ADAMTS6: variants seen among roughly 807,000 people sequenced by gnomAD.
The protein encoded by ADAMTS6 is A disintegrin and metalloproteinase with thrombospondin motifs 6.
In ADAMTS6, 23 loss-of-function variants were observed where a neutral mutation model predicts 144.3. The observed-to-expected ratio is 0.16, with a 90% CI of 0.11 to 0.23. The LOEUF (loss-of-function observed/expected upper bound fraction) is 0.23. ADAMTS6 is among the 10% of genes least tolerant of loss of function. ADAMTS6 has a pLI of 1.00. For missense variants in ADAMTS6, 999 were observed against 1,379.6 expected, an observed-to-expected ratio of 0.72 and a Z score of 4.37; for synonymous variants, 444 against 457.5, an observed-to-expected ratio of 0.97 and a Z score of 0.38.
intron 7 of ADAMTS6, among the ~76,000 whole-genome samples, chr5:65,374,909 G>A (rs1197652760): frequency 1.3e-5 from 2 of 152,128 alleles, no homozygotes; most frequent in Non-Finnish European, 2.9e-5. Context: ...TACCAAAACA[G>A]AGATATAGAT....
At chr5:65,314,946 T>C (rs903512354) in intron 9 of ADAMTS6, among the ~76,000 whole-genome samples, 5 of 152,158 alleles carry the variant, frequency 3.3e-5, no homozygotes, top group Admixed American at 6.5e-5. Flanking sequence ...CATTTGATCA[T>C]ACACCTTGTA....
At position 65,379,462 on chromosome 5, in the gene ADAMTS6, T is replaced by C. The variant is rs114607041; in HGVS notation, c.1074-45377A>G. 7.7e-3 allele frequency among the ~76,000 whole-genome samples: 1,171 copies of C among 152,338 alleles called. 9 individuals are homozygous for C. Among genetic ancestry groups the C allele is most frequent in the Non-Finnish European group, 0.011 (758 of 68,028 alleles). ...GAGTGTCACAAGGTGATAAAAATTA[T>C]TGTTCTTTTCTCTGCTTTGCCATAT... On this transcript the variant is annotated intron_variant, in intron 7 of 24. Transcript: ENST00000381055.
intron 12 of ADAMTS6, among the ~76,000 whole-genome samples, chr5:65,264,829 T>C (rs939940871): frequency 6.6e-6 from 1 of 152,132 alleles, no homozygotes; most frequent in Non-Finnish European, 1.5e-5. Context: ...GTAGTGTGTA[T>C]GTAACAAAAA....
intron 15 of ADAMTS6, among the ~76,000 whole-genome samples, chr5:65,228,490 A>G (rs186084295): frequency 6.6e-6 from 1 of 152,246 alleles, no homozygotes; most frequent in African/African-American, 2.4e-5. Context: ...GGAGCTTTCT[A>G]CTATCATCTC....
intron 11 of ADAMTS6, among the ~76,000 whole-genome samples, chr5:65,287,147 T>A (rs891551817): frequency 9.2e-5 from 14 of 152,170 alleles, no homozygotes; most frequent in African/African-American, 3.4e-4. Flanking sequence ...CTTGAAGACG[T>A]CCTATCTTTT....
In ADAMTS6 at chr5:65,221,958, A is replaced by G. The variant is rs532885508; in HGVS notation, c.2272+2362T>C. Reference sequence around the variant, plus strand: ...AAGACCTATATACTGAAAATGAAACATTGGTGAAAAAATTTTAAAAAGACC... The same window carrying G: ...AAGACCTATATACTGAAAATGAAACGTTGGTGAAAAAATTTTAAAAAGACC... On this transcript the variant is annotated intron_variant, in intron 18 of 24. Coordinates refer to ENST00000381055, the MANE Select transcript of ADAMTS6 (RefSeq NM_197941.4). 3.9e-5 allele frequency among the ~76,000 whole-genome samples: 6 copies of G among 152,316 alleles called. No individual in the cohort carries two copies. In the East Asian group the frequency reaches 1.2e-3, roughly 29 times the overall value.
At chr5:65,435,115 G>A (rs1757290461) in intron 7 of ADAMTS6, among the ~76,000 whole-genome samples, 1 of 152,094 alleles carries the variant, frequency 6.6e-6, no homozygotes, top group South Asian at 2.1e-4. Flanking sequence ...GATAACTGCA[G>A]TTTTTTAGAT....
chr5:65,357,418 A>C (rs565245635), intron 7 of ADAMTS6, among the ~76,000 whole-genome samples: 1 of 151,782 alleles, frequency 6.6e-6, no homozygotes, highest in Non-Finnish European at 1.5e-5. Flanking sequence ...ATAAAGAAAA[A>C]TGTCAATAAA....
intron 14 of ADAMTS6, among the ~76,000 whole-genome samples, chr5:65,244,975 G>A (rs890784912): frequency 6.6e-6 from 1 of 152,144 alleles, no homozygotes; most frequent in Non-Finnish European, 1.5e-5. Context: ...GAGTTTCGGA[G>A]TAAGGCAGAC....
At chr5:65,153,150 T>A (rs1487348081) in intron 24 of ADAMTS6, among the ~76,000 whole-genome samples, 2 of 152,220 alleles carry the variant, frequency 1.3e-5, no homozygotes, top group Non-Finnish European at 2.9e-5. Context: ...CCAGTTCTTA[T>A]TATTGAATAT....
chr5:65,237,684 A>T (rs1225836562), intron 15 of ADAMTS6, among the ~76,000 whole-genome samples: 2 of 152,228 alleles, frequency 1.3e-5, no homozygotes, highest in Non-Finnish European at 2.9e-5. Flanking sequence ...ATATTTACAA[A>T]TTTAAACACA....
intron 7 of ADAMTS6, among the ~76,000 whole-genome samples, chr5:65,420,467 C>T (rs899812035): frequency 2.6e-5 from 4 of 152,064 alleles, no homozygotes; most frequent in Admixed American, 6.5e-5. Flanking sequence ...CCGCAACCTC[C>T]GCCCCCTGGG....
chr5:65,263,577 C>T (rs1761380767), intron 12 of ADAMTS6, among the ~76,000 whole-genome samples: 1 of 152,190 alleles, frequency 6.6e-6, no homozygotes, highest in Non-Finnish European at 1.5e-5. Flanking sequence ...GTGTATGGCC[C>T]CCACATGAAC....
chr5:65,412,190 T>C (rs1755106549), intron 7 of ADAMTS6, among the ~76,000 whole-genome samples: 1 of 152,190 alleles, frequency 6.6e-6, no homozygotes. Flanking sequence ...TAATATGTGA[T>C]ATATCCTGGA....
At chr5:65,455,205 G>C (rs1344047573) in intron 4 of ADAMTS6, among the ~76,000 whole-genome samples, 3 of 152,104 alleles carry the variant, frequency 2.0e-5, no homozygotes, top group Admixed American at 1.3e-4. Context: ...AAAATAATTA[G>C]ACATTATTGT....
chr5:65,272,618 G>T (rs1439660207), intron 12 of ADAMTS6, among the ~76,000 whole-genome samples: 2 of 151,994 alleles, frequency 1.3e-5, no homozygotes, highest in East Asian at 3.9e-4. Flanking sequence ...CTCTCATACT[G>T]CAATCTAAAA....
intron 4 of ADAMTS6, among the ~76,000 whole-genome samples, chr5:65,454,738 C>T (rs1191977553): frequency 6.6e-6 from 1 of 152,172 alleles, no homozygotes; most frequent in African/African-American, 2.4e-5. Context: ...TGAACTGACG[C>T]TGGCATCTGA....
intron 7 of ADAMTS6, among the ~76,000 whole-genome samples, chr5:65,443,214 A>G (rs969520751): frequency 6.6e-6 from 1 of 152,176 alleles, no homozygotes; most frequent in Admixed American, 6.5e-5. Flanking sequence ...CGTCTTCCAC[A>G]ATGCTTGAAA....
chr5:65,433,862 G>A (rs1460773271), intron 7 of ADAMTS6, among the ~76,000 whole-genome samples: 1 of 152,144 alleles, frequency 6.6e-6, no homozygotes, highest in African/African-American at 2.4e-5. Context: ...GTTTCTCAAA[G>A]GTTAACACAG....
Sources: allele counts gnomAD v4.1 joint callset (sites outside exome capture counted in the v4.1 genomes callset), GRCh38; gene constraint gnomAD v4.1.1; transcripts MANE v1.5; gene names NCBI Gene and HGNC (gene_info 2026-07-23, HGNC 2026-07-21).